SEMA3A: variants seen among roughly 807,000 people sequenced by gnomAD.
SEMA3A encodes semaphorin-3A.
Under a neutral mutation model 97.9 loss-of-function variants are expected in SEMA3A, and 29 were observed. The ratio of observed to expected loss-of-function variants is 0.30; its 90% CI spans 0.22 to 0.40. The LOEUF is 0.40. Among genes scored for constraint, SEMA3A ranks in the 10% least tolerant of loss-of-function variants. SEMA3A has a pLI of 1.00. For synonymous variants in SEMA3A, 321 were observed against 323.7 expected (o/e 0.99, Z 0.09); for missense variants, 763 against 951.3 (o/e 0.80, Z 2.60).
intron 1 of SEMA3A, among the ~76,000 whole-genome samples, chr7:84,142,912 A>C (rs11773308): frequency 0.24 from 36,650 of 152,100 alleles, 4,697 homozygotes; most frequent in African/African-American, 0.32. Flanking sequence ...GACGTCATCA[A>C]CTTTCTGTGT....
chr7:84,461,435 G>T lies in SEMA3A; in HGVS notation c.-246+31025C>A, dbSNP rs543590359. On this transcript the variant is annotated intron_variant, in intron 1 of 3. Coordinates refer to the SEMA3A transcript ENST00000424555. ...GTGGGTAATTTTCCATCATGAATATGTATTTTTGATGCATAAATACTTGGA... is the reference window on the plus strand; with the variant it reads ...GTGGGTAATTTTCCATCATGAATATTTATTTTTGATGCATAAATACTTGGA... 4.0e-5 allele frequency among the ~76,000 whole-genome samples: 6 copies of T among 150,748 alleles called. No homozygotes were observed. In the South Asian group the frequency reaches 8.4e-4, roughly 21 times the overall value.
At chr7:84,198,190 AT>A (rs937924814), upstream of SEMA3A, among the ~76,000 whole-genome samples, 16 of 151,076 alleles carry the variant, frequency 1.1e-4, no homozygotes, top group Non-Finnish European at 2.4e-4. Flanking sequence ...GCCTTTTTTT[AT>A]TTTTTTATTT....
intron 4 of SEMA3A, among the ~76,000 whole-genome samples, chr7:84,103,904 G>T (rs878991141): frequency 6.6e-6 from 1 of 151,962 alleles, no homozygotes; most frequent in Admixed American, 6.6e-5. Flanking sequence ...ATTAATGGAG[G>T]CTTTTATGAA....
intron 2 of SEMA3A, among the ~76,000 whole-genome samples, chr7:84,334,450 A>C (rs557780515): frequency 6.6e-6 from 1 of 152,274 alleles, no homozygotes; most frequent in South Asian, 2.1e-4. Flanking sequence ...TAATTACATA[A>C]ATAAGAAAAA....
chr7:84,439,544 G>A (rs1159666504), intron 1 of SEMA3A, among the ~76,000 whole-genome samples: 1 of 152,016 alleles, frequency 6.6e-6, no homozygotes, highest in African/African-American at 2.4e-5. Context: ...TAAATTTCTG[G>A]ATTATGTCTG....
At chr7:84,413,308 A>G (rs1804327784) in intron 1 of SEMA3A, among the ~76,000 whole-genome samples, 2 of 152,124 alleles carry the variant, frequency 1.3e-5, no homozygotes, top group South Asian at 4.1e-4. Context: ...CAATAACCAA[A>G]AAGTTAAAAT....
intron 1 of SEMA3A, among the ~76,000 whole-genome samples, chr7:84,386,366 C>T (rs1011993109): frequency 1.3e-5 from 2 of 152,144 alleles, no homozygotes; most frequent in African/African-American, 4.8e-5. Context: ...TTTGGATCCA[C>T]AACACAAGGC....
intron 3 of SEMA3A, among the ~76,000 whole-genome samples, chr7:84,259,829 AAAAG>A (rs1427478027): frequency 6.6e-6 from 1 of 151,252 alleles, no homozygotes; most frequent in Non-Finnish European, 1.5e-5. Flanking sequence ...AAAAAAAAAG[AAAAG>A]AAAGGAAAAA....
rs142219608 is a variant in SEMA3A, at chr7:84,244,778, C to T, written c.-82-50110G>A. Among the ~76,000 whole-genome samples, 1,450 of 152,090 alleles carry T rather than the reference C, an allele frequency of 9.5e-3. 5 individuals are homozygous for T. The highest frequency in any genetic ancestry group is 0.014 in the Non-Finnish European group (981 of 68,010). Reference sequence around the variant, plus strand: ...CTTCAGGAGCTCTTGTAAGACAGGCCTGATGGTGATTTTCTTCTTTCAGCA... The same window carrying T: ...CTTCAGGAGCTCTTGTAAGACAGGCTTGATGGTGATTTTCTTCTTTCAGCA... On this transcript the variant is annotated intron_variant, in intron 3 of 3. Transcript: ENST00000424555.
At chr7:84,175,345 C>T (rs2116218464) in intron 1 of SEMA3A, among the ~76,000 whole-genome samples, 1 of 152,308 alleles carries the variant, frequency 6.6e-6, no homozygotes, top group East Asian at 1.9e-4. Context: ...TTTACTGTAA[C>T]ACAAACATAC....
intron 1 of SEMA3A, among the ~76,000 whole-genome samples, chr7:84,422,096 A>G (rs1804611335): frequency 6.6e-6 from 1 of 152,072 alleles, no homozygotes; most frequent in African/African-American, 2.4e-5. Flanking sequence ...GAATGGTACC[A>G]GCTCCTCTTC....
intron 3 of SEMA3A, among the ~76,000 whole-genome samples, chr7:84,246,488 C>T (rs1435507385): frequency 6.6e-6 from 1 of 151,956 alleles, no homozygotes. Flanking sequence ...ATGACTAACA[C>T]CCCCAAATTA....
intron 1 of SEMA3A, among the ~76,000 whole-genome samples, chr7:84,460,871 T>A (rs1483358095): frequency 1.3e-5 from 2 of 152,228 alleles, no homozygotes; most frequent in East Asian, 3.9e-4. Context: ...TACCTGCAAC[T>A]GGCACCTAAA....
chr7:84,292,649 C>G (rs1800778251), intron 3 of SEMA3A, among the ~76,000 whole-genome samples: 1 of 151,986 alleles, frequency 6.6e-6, no homozygotes, highest in Admixed American at 6.6e-5. Context: ...TGGGCAAAAT[C>G]TATTCCTAAA....
At chr7:84,265,552 T>C (rs529000740) in intron 3 of SEMA3A, among the ~76,000 whole-genome samples, 2 of 148,116 alleles carry the variant, frequency 1.4e-5, no homozygotes, top group East Asian at 3.9e-4. Flanking sequence ...TATATGTTTA[T>C]ATGTATTATA....
chr7:84,261,552 T>C (rs948807744), intron 3 of SEMA3A, among the ~76,000 whole-genome samples: 1 of 152,036 alleles, frequency 6.6e-6, no homozygotes, highest in African/African-American at 2.4e-5. Context: ...CAGACATGGG[T>C]GCCCACAGCA....
intron 1 of SEMA3A, among the ~76,000 whole-genome samples, chr7:84,424,681 AAATATAT>A (rs1474314155): frequency 1.1e-5 from 1 of 89,274 alleles, no homozygotes; most frequent in African/African-American, 4.8e-5. Context: ...TATAATATAT[AAATATAT>A]AATATATTGA....
chr7:84,067,829 T>C (rs1469343389), intron 4 of SEMA3A, among the ~76,000 whole-genome samples: 19 of 150,298 alleles, frequency 1.3e-4, no homozygotes, highest in Non-Finnish European at 2.4e-4. Context: ...TTGGTGGGAC[T>C]GTAAACTAGT....
At chr7:83,967,932 G>T (rs1788770327) in intron 15 of SEMA3A, among the ~76,000 whole-genome samples, 1 of 151,882 alleles carries the variant, frequency 6.6e-6, no homozygotes, top group South Asian at 2.1e-4. Flanking sequence ...TCATTTCTTT[G>T]TGGTGACATG....
Sources: allele counts gnomAD v4.1 joint callset (sites outside exome capture counted in the v4.1 genomes callset), GRCh38; gene constraint gnomAD v4.1.1; transcripts MANE v1.5; gene names NCBI Gene and HGNC (gene_info 2026-07-23, HGNC 2026-07-21).